Variants in FMO3 observed in about 807,000 individuals in gnomAD.
FMO3 encodes flavin containing dimethylaniline monoxygenase 3, also known as flavin-containing monooxygenase 3.
FMO3 carries 40 observed loss-of-function variants against 39.4 expected under a neutral mutation model. The observed-to-expected ratio is 1.02, with a 90% CI of 0.79 to 1.32. The LOEUF is 1.32. Ranked by LOEUF, FMO3 falls within the 40% of genes most tolerant of loss-of-function variation. The pLI is 0.00. For missense variants in FMO3, 680 were observed against 651.8 expected (o/e 1.04, Z -0.47); for synonymous variants, 219 against 228.8 (o/e 0.96, Z 0.39).
chr1:171,111,059 T>A, intron 6 of FMO3, 62 bp downstream of exon 6: 1 of 1,344,504 alleles, frequency 7.4e-7, no homozygotes, highest in Non-Finnish European at 1.1e-6. Flanking sequence ...CAACCCTTAA[T>A]GTCCTGTAAG....
intron 2 of FMO3, among the ~76,000 whole-genome samples, chr1:171,093,382 C>T (rs925302907): frequency 6.6e-6 from 1 of 152,064 alleles, no homozygotes; most frequent in Admixed American, 6.6e-5. Flanking sequence ...TGTGGTATTT[C>T]ACTTTCTGTT....
intron 2 of FMO3, chr1:171,101,790 T>G (rs1655407600): frequency 2.0e-6 from 1 of 505,834 alleles, no homozygotes; most frequent in Non-Finnish European, 4.1e-6. Flanking sequence ...AGGCCACGGA[T>G]CTGGGCAAAA....
chr1:171,112,676 G>A (rs988335441), intron 6 of FMO3, among the ~76,000 whole-genome samples: 8 of 152,174 alleles, frequency 5.3e-5, no homozygotes, highest in African/African-American at 1.9e-4. Context: ...AGACATTCTG[G>A]TAGAAGAATG....
intron 2 of FMO3, among the ~76,000 whole-genome samples, chr1:171,093,580 A>G (rs549588766): frequency 1.1e-4 from 17 of 151,726 alleles, no homozygotes; most frequent in South Asian, 6.2e-4. Context: ...TCTTTATCCA[A>G]TCATCCTTAT....
intron 7 of FMO3, among the ~76,000 whole-genome samples, chr1:171,115,986 T>G (rs1447341049): frequency 6.6e-6 from 1 of 152,212 alleles, no homozygotes; most frequent in African/African-American, 2.4e-5. Flanking sequence ...TGAAACTGTT[T>G]TGAAACATCT....
intron 2 of FMO3, among the ~76,000 whole-genome samples, chr1:171,096,174 A>T (rs377648969): frequency 1.4e-5 from 1 of 73,648 alleles, no homozygotes; most frequent in South Asian, 5.4e-4. Context: ...ATATAATTAT[A>T]TATAATATAT....
chr1:171,107,609 ATACTG>A (rs1655701451), intron 3 of FMO3, 61 bp from the exon 4 acceptor site: 3 of 1,363,024 alleles, frequency 2.2e-6, no homozygotes, highest in Non-Finnish European at 3.1e-6. Context: ...TTCTTTTTTC[ATACTG>A]TATCTGCCAA....
At position 171,116,286 on chromosome 1, in the gene FMO3, A is replaced by T. The variant is rs1656148409; in HGVS notation, c.1256+6A>T. On this transcript the variant is annotated splice_donor_region_variant and intron_variant, in intron 8 of 8. Coordinates refer to ENST00000367755, the MANE Select transcript of FMO3 (RefSeq NM_001002294.3). ...ATGGAGAAAAAGCGCAAATGGTAAG[A>T]GTACCTATTGTAATAGGAGTGTAGG... The T allele has an allele frequency of 6.7e-7, 1 of 1,488,810 alleles. No individual in the cohort carries two copies. Among genetic ancestry groups the T allele is most frequent in the Admixed American group, 1.7e-5 (1 of 59,740 alleles). The allele number at this position is 1,488,810 out of a possible 1,614,324, so 92.2% of individuals were successfully genotyped here.
chr1:171,103,357 A>G (rs1388777493), intron 2 of FMO3, among the ~76,000 whole-genome samples: 1 of 152,222 alleles, frequency 6.6e-6, no homozygotes, highest in Non-Finnish European at 1.5e-5. Flanking sequence ...AAGTTAATTT[A>G]TGTGTGTCTT....
intron 2 of FMO3, among the ~76,000 whole-genome samples, chr1:171,095,996 T>TTTA (rs1390982916): frequency 2.6e-4 from 7 of 26,898 alleles, no homozygotes; most frequent in African/African-American, 1.1e-3. Context: ...TTTATATATT[T>TTTA]TTATATATTA....
At chr1:171,099,359 C>T (rs932120250) in intron 2 of FMO3, among the ~76,000 whole-genome samples, 1 of 152,076 alleles carries the variant, frequency 6.6e-6, no homozygotes, top group Admixed American at 6.6e-5. Context: ...TGAAACCCCC[C>T]AACATCTTAT....
At chr1:171,096,047 TAA>T (rs1172550837) in intron 2 of FMO3, among the ~76,000 whole-genome samples, 1 of 57,060 alleles carries the variant, frequency 1.8e-5, no homozygotes, top group African/African-American at 1.2e-4. Flanking sequence ...ATATTATATA[TAA>T]ATATATAATA....
chr1:171,096,068 AT>A (rs1557933325), intron 2 of FMO3, among the ~76,000 whole-genome samples: 2 of 65,128 alleles, frequency 3.1e-5, no homozygotes, highest in African/African-American at 1.6e-4. Context: ...TATATATTAT[AT>A]ATTAATATAT....
intron 7 of FMO3, 37 bp from the exon 8 acceptor site, chr1:171,116,171 C>T (rs1364674963): frequency 3.1e-6 from 4 of 1,288,424 alleles, no homozygotes; most frequent in Non-Finnish European, 4.5e-6. Context: ...CTATGCCAGA[C>T]TCATTAATTA....
At chr1:171,109,989 G>A (rs1655835715) in intron 5 of FMO3, among the ~76,000 whole-genome samples, 1 of 152,140 alleles carries the variant, frequency 6.6e-6, no homozygotes, top group Non-Finnish European at 1.5e-5. Flanking sequence ...AAAGGAAACT[G>A]ACATTTACTG....
At chr1:171,098,693 G>A (rs1655219091) in intron 2 of FMO3, among the ~76,000 whole-genome samples, 1 of 152,154 alleles carries the variant, frequency 6.6e-6, no homozygotes, top group African/African-American at 2.4e-5. Context: ...ATTTTGGGCT[G>A]AGACGATGGG....
intron 6 of FMO3, among the ~76,000 whole-genome samples, 196 bp downstream of exon 6, chr1:171,111,193 T>A (rs914544911): frequency 3.9e-5 from 6 of 152,316 alleles, no homozygotes; most frequent in Middle Eastern, 3.4e-3. Context: ...TGGAAAATTA[T>A]ATAATGCCTC....
chr1:171,098,293 T>A (rs188750088), intron 2 of FMO3, among the ~76,000 whole-genome samples: 2 of 152,302 alleles, frequency 1.3e-5, no homozygotes, highest in African/African-American at 4.8e-5. Context: ...TGGTTCCATA[T>A]GAACTTTAAA....
At chr1:171,112,837 A>T (rs1489765366) in intron 6 of FMO3, among the ~76,000 whole-genome samples, 1 of 152,156 alleles carries the variant, frequency 6.6e-6, no homozygotes, top group Non-Finnish European at 1.5e-5. Context: ...AGGTCTGGGG[A>T]CTGAGTCCTG....
Sources: allele counts gnomAD v4.1 joint callset (sites outside exome capture counted in the v4.1 genomes callset), GRCh38; gene constraint gnomAD v4.1.1; transcripts MANE v1.5; gene names NCBI Gene and HGNC (gene_info 2026-07-23, HGNC 2026-07-21).